The following CDYL2 variants were observed in gnomAD, a reference collection of about 807,000 sequenced individuals.
The protein encoded by CDYL2 is chromodomain Y-like protein 2.
A neutral mutation model predicts 49.4 loss-of-function variants in CDYL2; 23 were observed. That is an observed-to-expected ratio of 0.47 (90% confidence interval 0.34 to 0.66). The LOEUF (loss-of-function observed/expected upper bound fraction) is 0.66, where lower values mean the gene tolerates loss of function less well. Among genes scored for constraint, CDYL2 ranks in the 30% least tolerant of loss-of-function variants. The pLI is 0.01. For missense variants in CDYL2, 678 were observed against 656.4 expected, an observed-to-expected ratio of 1.03 and a Z score of -0.36; for synonymous variants, 360 against 268.8, an observed-to-expected ratio of 1.34 and a Z score of -3.32.
rs763194077 is a variant in CDYL2, at chr16:80,712,215, A to ATATATATATATATATATATATATCTC, written c.25-27087_25-27086insGAGATATATATATATATATATATATA. 6.3e-4 allele frequency among the ~76,000 whole-genome samples: 81 copies of ATATATATATATATATATATATATCTC among 128,348 alleles called. 1 individual carries two copies. Among genetic ancestry groups the ATATATATATATATATATATATATCTC allele is most frequent in the Middle Eastern group, 5.1e-3 (1 of 196 alleles). 84.2% of individuals were successfully genotyped at this position (128,348 alleles called of 152,430 possible). A position where few individuals can be genotyped will look rare whatever the true frequency, so the allele number is the denominator to read the frequency against. On this transcript the variant is annotated intron_variant, in intron 1 of 6. Coordinates refer to ENST00000570137, the MANE Select transcript of CDYL2 (RefSeq NM_152342.4). The stretch of plus-strand genomic sequence containing the variant: ...TGTATATATATATATATATATATAT[A>ATATATATATATATATATATATATCTC]TCTCCAAACCACTGCTCACTGTGAT...
intron 2 of CDYL2, among the ~76,000 whole-genome samples, chr16:80,646,969 A>G (rs757073674): frequency 2.6e-5 from 4 of 152,194 alleles, no homozygotes; most frequent in Non-Finnish European, 4.4e-5. Context: ...TACTGATGTC[A>G]GATAAAATAT....
intron 1 of CDYL2, chr16:80,736,503 A>G (rs915901572): frequency 6.6e-6 from 1 of 152,242 alleles, no homozygotes; most frequent in Admixed American, 6.5e-5. Context: ...GGAAGCTGGG[A>G]AGATATCAAC....
At chr16:80,658,428 T>C (rs950928802) in intron 2 of CDYL2, among the ~76,000 whole-genome samples, 4 of 152,274 alleles carry the variant, frequency 2.6e-5, no homozygotes, top group African/African-American at 4.8e-5. Flanking sequence ...ATTATGAATA[T>C]ACAACAGATA....
intron 2 of CDYL2, among the ~76,000 whole-genome samples, chr16:80,656,560 C>G (rs1481884575): frequency 6.6e-6 from 1 of 152,222 alleles, no homozygotes; most frequent in Admixed American, 6.5e-5. Context: ...AAGCCCCCAT[C>G]ATGCTAGTTT....
At chr16:80,748,246 A>G (rs9923522) in intron 1 of CDYL2, among the ~76,000 whole-genome samples, 35,899 of 147,670 alleles carry the variant, frequency 0.24, 8,237 homozygotes, top group African/African-American at 0.61. Flanking sequence ...AGGTGGGTGG[A>G]CCGGGCGCGC....
At chr16:80,772,423 T>G (rs1906936505) in intron 1 of CDYL2, among the ~76,000 whole-genome samples, 1 of 152,174 alleles carries the variant, frequency 6.6e-6, no homozygotes, top group African/African-American at 2.4e-5. Flanking sequence ...GTCTAAGGTC[T>G]CTGAATTGTC....
chr16:80,789,777 G>A (rs1388787378), intron 1 of CDYL2, among the ~76,000 whole-genome samples: 2 of 152,198 alleles, frequency 1.3e-5, no homozygotes, highest in African/African-American at 2.4e-5. Flanking sequence ...GGATAGAGCT[G>A]AAGGCCATTA....
At chr16:80,744,889 C>T (rs939053925) in intron 1 of CDYL2, among the ~76,000 whole-genome samples, 1 of 152,156 alleles carries the variant, frequency 6.6e-6, no homozygotes, top group Admixed American at 6.5e-5. Context: ...GTGAGCTCTG[C>T]AAGCCTAGCA....
intron 2 of CDYL2, among the ~76,000 whole-genome samples, chr16:80,671,339 C>A (rs539488025): frequency 3.9e-5 from 6 of 152,154 alleles, no homozygotes; most frequent in African/African-American, 1.4e-4. Flanking sequence ...TCTGCCAGTT[C>A]ATCAAAAATT....
chr16:80,684,376 C>A (rs1444626385), intron 2 of CDYL2, among the ~76,000 whole-genome samples, 162 bp downstream of exon 2: 1 of 152,148 alleles, frequency 6.6e-6, no homozygotes, highest in East Asian at 1.9e-4. Context: ...GGGCCTACGA[C>A]CGAGTCCACA....
At chr16:80,762,876 A>C (rs1453747109) in intron 1 of CDYL2, among the ~76,000 whole-genome samples, 2 of 152,202 alleles carry the variant, frequency 1.3e-5, no homozygotes, top group Non-Finnish European at 2.9e-5. Context: ...TGTGTGTGTT[A>C]CATCTGTGAG....
intron 1 of CDYL2, among the ~76,000 whole-genome samples, chr16:80,757,492 T>A (rs1157653303): frequency 6.7e-6 from 1 of 149,706 alleles, no homozygotes; most frequent in East Asian, 2.0e-4. Context: ...GTAAGCTTGA[T>A]CATTCTACTG....
intron 1 of CDYL2, among the ~76,000 whole-genome samples, chr16:80,790,777 T>C (rs1339567893): frequency 6.6e-6 from 1 of 152,200 alleles, no homozygotes; most frequent in Non-Finnish European, 1.5e-5. Context: ...AGCTCCACTC[T>C]TGATCACCAG....
intron 1 of CDYL2, among the ~76,000 whole-genome samples, chr16:80,787,421 G>T (rs1316136869): frequency 6.6e-6 from 1 of 152,058 alleles, no homozygotes. Context: ...CCTTCCTTAG[G>T]AAGTTTCCTA....
intron 2 of CDYL2, among the ~76,000 whole-genome samples, chr16:80,638,718 G>A (rs1029370304): frequency 6.6e-6 from 1 of 152,086 alleles, no homozygotes; most frequent in African/African-American, 2.4e-5. Context: ...ACAATTCAAT[G>A]GAGACAGGAT....
intron 2 of CDYL2, among the ~76,000 whole-genome samples, chr16:80,663,479 T>G (rs1426163855): frequency 6.6e-6 from 1 of 152,192 alleles, no homozygotes; most frequent in Admixed American, 6.5e-5. Flanking sequence ...GTTAAAATTA[T>G]GCCAGATAAA....
At chr16:80,650,350 G>C (rs1908532495) in intron 2 of CDYL2, among the ~76,000 whole-genome samples, 1 of 152,092 alleles carries the variant, frequency 6.6e-6, no homozygotes, top group Non-Finnish European at 1.5e-5. Flanking sequence ...TGGCAAACAG[G>C]GATATGAAAA....
chr16:80,638,864 C>A (rs1365814840), intron 2 of CDYL2, among the ~76,000 whole-genome samples: 1 of 151,982 alleles, frequency 6.6e-6, no homozygotes, highest in East Asian at 1.9e-4. Flanking sequence ...ATGTAAAATG[C>A]AAATTATAAA....
chr16:80,743,423 C>A (rs1392251062), intron 1 of CDYL2, among the ~76,000 whole-genome samples: 1 of 152,184 alleles, frequency 6.6e-6, no homozygotes, highest in African/African-American at 2.4e-5. Context: ...GAACCACAGA[C>A]AAAAAGCCCC....
Sources: allele counts gnomAD v4.1 joint callset (sites outside exome capture counted in the v4.1 genomes callset), GRCh38; gene constraint gnomAD v4.1.1; transcripts MANE v1.5; gene names NCBI Gene and HGNC (gene_info 2026-07-23, HGNC 2026-07-21).